GRAMD4: variants seen among roughly 807,000 people sequenced by gnomAD.
GRAMD4 encodes the protein GRAM domain-containing protein 4.
Under a neutral mutation model 83.9 loss-of-function variants are expected in GRAMD4, and 25 were observed. The ratio of observed to expected loss-of-function variants is 0.30; its 90% CI spans 0.22 to 0.42. GRAMD4 has a LOEUF of 0.42. Ranked by LOEUF, GRAMD4 falls within the 10% of genes least tolerant of loss-of-function variation. GRAMD4 has a pLI of 1.00. For missense variants in GRAMD4, 593 were observed against 788.7 expected (o/e 0.75, Z 2.97); for synonymous variants, 336 against 320.9 (o/e 1.05, Z -0.50).
At chr22:46,612,066 C>T (rs555466059) in intron 1 of GRAMD4, among the ~76,000 whole-genome samples, 25 of 148,512 alleles carry the variant, frequency 1.7e-4, no homozygotes, top group East Asian at 4.1e-4. Context: ...TGCAGTGGTT[C>T]GATCATAGCT....
chr22:46,644,435 G>A (rs1000096984), intron 3 of GRAMD4, among the ~76,000 whole-genome samples: 5 of 151,034 alleles, frequency 3.3e-5, no homozygotes, highest in South Asian at 2.1e-4. Context: ...CCCCTGTTCC[G>A]TGTTACATCT....
intron 10 of GRAMD4, among the ~76,000 whole-genome samples, 159 bp downstream of exon 10, chr22:46,667,032 C>G (rs2082420684): frequency 1.3e-5 from 2 of 152,202 alleles, no homozygotes; most frequent in African/African-American, 4.8e-5. Context: ...GGAGGCCAGC[C>G]CCTCCCTAGC....
At chr22:46,668,662 T>A in intron 11 of GRAMD4, 27 bp from the exon 12 acceptor site, 1 of 1,608,192 alleles carries the variant, frequency 6.2e-7, no homozygotes, top group Non-Finnish European at 8.5e-7. Flanking sequence ...CGGGGGCTGT[T>A]GTAATTGCTG....
chr22:46,656,362 C>T (rs181431412), intron 3 of GRAMD4, among the ~76,000 whole-genome samples: 9 of 152,332 alleles, frequency 5.9e-5, no homozygotes, highest in South Asian at 2.1e-4. Flanking sequence ...CTGTGGCTGC[C>T]GGGCAGGAAG....
At chr22:46,641,904 G>A (rs1490367518) in intron 3 of GRAMD4, among the ~76,000 whole-genome samples, 1 of 152,246 alleles carries the variant, frequency 6.6e-6, no homozygotes, top group African/African-American at 2.4e-5. Context: ...TCATAGACAA[G>A]GGGCAGGGTG....
intron 1 of GRAMD4, among the ~76,000 whole-genome samples, chr22:46,585,698 G>C (rs1383369604): frequency 6.6e-6 from 1 of 152,216 alleles, no homozygotes. Flanking sequence ...GGAGCTTGTG[G>C]GAGGTGGAAA....
At chr22:46,675,049 G>T (rs2082574044) in intron 16 of GRAMD4, among the ~76,000 whole-genome samples, 1 of 152,254 alleles carries the variant, frequency 6.6e-6, no homozygotes, top group Non-Finnish European at 1.5e-5. Flanking sequence ...GACCGTGTGG[G>T]GACCTGCTAT....
intron 3 of GRAMD4, among the ~76,000 whole-genome samples, chr22:46,652,304 C>T (rs921052187): frequency 1.3e-5 from 2 of 152,050 alleles, no homozygotes; most frequent in African/African-American, 2.4e-5. Context: ...CCCTGGGGGC[C>T]GCAAGCCAAG....
chr22:46,600,798 A>G (rs1383041621), intron 1 of GRAMD4, among the ~76,000 whole-genome samples: 1 of 152,236 alleles, frequency 6.6e-6, no homozygotes, highest in African/African-American at 2.4e-5. Flanking sequence ...TGAAATATGC[A>G]ACTATAAATC....
At chr22:46,605,569 A>G (rs181229471) in intron 1 of GRAMD4, among the ~76,000 whole-genome samples, 193 of 152,388 alleles carry the variant, frequency 1.3e-3, no homozygotes, top group African/African-American at 4.5e-3. Flanking sequence ...CCCCACAAAC[A>G]GTGCACAAGG....
chr22:46,583,684 G>A (rs2081119288), intron 1 of GRAMD4, among the ~76,000 whole-genome samples: 1 of 152,234 alleles, frequency 6.6e-6, no homozygotes, highest in Non-Finnish European at 1.5e-5. Context: ...CTGGCTTAGC[G>A]GGAGGAAGAC....
chr22:46,663,197 G>A, intron 6 of GRAMD4, 25 bp downstream of exon 6: 2 of 1,601,854 alleles, frequency 1.2e-6, no homozygotes, highest in Non-Finnish European at 8.5e-7. Flanking sequence ...AGCTGGGGCT[G>A]CCTGTGCGTT....
upstream of GRAMD4, among the ~76,000 whole-genome samples, chr22:46,615,615 C>T (rs1273891823): frequency 6.7e-5 from 5 of 74,604 alleles, no homozygotes; most frequent in African/African-American, 1.1e-4. Flanking sequence ...GTTCCCCGTG[C>T]GTGTAGGTTC....
At position 46,678,738 on chromosome 22, in the gene GRAMD4, A is replaced by G. The variant is rs1389555103; in HGVS notation, c.*1487A>G. The G allele has an allele frequency of 1.0e-6, 1 of 985,392 alleles. No homozygotes were observed. The highest frequency in any genetic ancestry group is 1.8e-5 in the African/African-American group (1 of 57,074). The allele number at this position is 985,392 out of a possible 1,614,324, so 61.0% of individuals were successfully genotyped here. A position where few individuals can be genotyped will look rare whatever the true frequency, so the allele number is the denominator to read the frequency against. Reference sequence around the variant, plus strand: ...AATTTTTATCTTTGCTCCGATCCTCATTTGCTGGTGTGGGTGAGGGATCCG... The same window carrying G: ...AATTTTTATCTTTGCTCCGATCCTCGTTTGCTGGTGTGGGTGAGGGATCCG... On this transcript the variant is annotated 3_prime_UTR_variant, in exon 19 of 19. Transcript: ENST00000406902.
chr22:46,625,001 C>T (rs951742375), intron 1 of GRAMD4, among the ~76,000 whole-genome samples: 1 of 152,028 alleles, frequency 6.6e-6, no homozygotes, highest in Non-Finnish European at 1.5e-5. Context: ...GCTGGGACTA[C>T]AGGCGCCCAC....
chr22:46,663,165 G>A lies in GRAMD4; in HGVS notation c.592G>A (p.Ala198Thr). Residue 198 changes from alanine to threonine, a missense_variant, in exon 6 of 19, where the codon GCC becomes ACC. Transcript: ENST00000406902. ...NTVETEEPLS[A>T]RRLTENMRRL... Reference sequence around the variant, plus strand: ...TGTGGAGACAGAGGAACCCCTGAGCGCCCGCAGGTAGGGGTTCGCCGAGCT... The same window carrying A: ...TGTGGAGACAGAGGAACCCCTGAGCACCCGCAGGTAGGGGTTCGCCGAGCT... The A allele has an allele frequency of 6.2e-7, 1 of 1,610,928 alleles. No individual in the cohort carries two copies. Among genetic ancestry groups the A allele is most frequent in the African/African-American group, 1.3e-5 (1 of 75,030 alleles).
intron 11 of GRAMD4, among the ~76,000 whole-genome samples, chr22:46,668,414 T>C (rs2082444337): frequency 6.6e-6 from 1 of 152,106 alleles, no homozygotes; most frequent in Non-Finnish European, 1.5e-5. Context: ...CTGCGGACGG[T>C]GCGCGAGGGT....
chr22:46,626,524 G>C (rs2081661916), intron 1 of GRAMD4, among the ~76,000 whole-genome samples: 1 of 152,208 alleles, frequency 6.6e-6, no homozygotes, highest in Non-Finnish European at 1.5e-5. Context: ...TGCAGGGCGG[G>C]GGTCTCTGGG....
At position 46,672,259 on chromosome 22, in the gene GRAMD4, G is replaced by A. The variant is rs2082519663; in HGVS notation, c.1085-584G>A. Reference sequence around the variant, plus strand: ...AGGGGGACTGACCATGATTGTGTCAGGTGACAGTATCGGGGAGAAAACGGA... The same window carrying A: ...AGGGGGACTGACCATGATTGTGTCAAGTGACAGTATCGGGGAGAAAACGGA... On this transcript the variant is annotated intron_variant, in intron 13 of 18. Coordinates refer to ENST00000406902, the MANE Select transcript of GRAMD4 (RefSeq NM_015124.5). This position sits in a 1 kb window ranked among gnomAD's most constrained non-coding sequence, Gnocchi z 4.7. 6.6e-6 allele frequency among the ~76,000 whole-genome samples: 1 copy of A among 152,216 alleles called. No individual in the cohort carries two copies.
Sources: gnomAD v4.1 joint callset for allele counts (sites outside exome capture counted in the v4.1 genomes callset) on GRCh38, gnomAD v4.1.1 for gene constraint, Gnocchi (gnomAD v3.1) non-coding constraint, MANE v1.5 for transcripts, NCBI Gene and HGNC (gene_info 2026-07-23, HGNC 2026-07-21) for gene names.